KIAA0930: variants seen among roughly 807,000 people sequenced by gnomAD.
KIAA0930 encodes the protein KIAA0930, also known as uncharacterized protein KIAA0930.
Under a neutral mutation model 43.9 loss-of-function variants are expected in KIAA0930, and 24 were observed. The observed-to-expected ratio is 0.55, with a 90% CI of 0.40 to 0.77. KIAA0930 has a LOEUF of 0.77. KIAA0930 is among the 30% of genes least tolerant of loss of function. The pLI is 0.00. For missense variants in KIAA0930, 461 were observed against 574.2 expected, an observed-to-expected ratio of 0.80 and a Z score of 2.02; for synonymous variants, 259 against 216.4, an observed-to-expected ratio of 1.20 and a Z score of -1.73.
intron 1 of KIAA0930, among the ~76,000 whole-genome samples, chr22:45,219,283 C>T (rs571611543): frequency 2.6e-5 from 4 of 152,270 alleles, no homozygotes; most frequent in South Asian, 2.1e-4. Context: ...CAGTGCAACA[C>T]GCACTTAGAA....
rs907306668 is a variant in KIAA0930 at position 45,194,169 on chromosome 22, G to C, written c.*3007C>G. The stretch of plus-strand genomic sequence containing the variant: ...GGCTCACTGCAACCTCTGCCTACTA[G>C]GTTCAAGTGATTCTCCTTCCTCAGC... On this transcript the variant is annotated 3_prime_UTR_variant, in exon 10 of 10. Coordinates refer to ENST00000336156, the MANE Select transcript of KIAA0930 (RefSeq NM_001009880.2). 5.2e-5 allele frequency: 7 copies of C among 135,132 alleles called. No individual in the cohort carries two copies. The highest frequency in any genetic ancestry group is 2.6e-4 in the Admixed American group (3 of 11,412). 8.4% of individuals were successfully genotyped at this position (135,132 alleles called of 1,614,324 possible).
chr22:45,199,155 C>G (rs2083563595), intron 8 of KIAA0930, among the ~76,000 whole-genome samples: 2 of 152,156 alleles, frequency 1.3e-5, no homozygotes, highest in South Asian at 4.1e-4. Context: ...ATATGCTAAT[C>G]TGATTGTGTC....
At chr22:45,202,318 C>G (rs940758274) in intron 7 of KIAA0930, among the ~76,000 whole-genome samples, 16 of 152,272 alleles carry the variant, frequency 1.1e-4, no homozygotes, top group Admixed American at 3.3e-4. Flanking sequence ...AAAGCTGCTG[C>G]TGACCTCAGC....
intron 1 of KIAA0930, among the ~76,000 whole-genome samples, chr22:45,221,808 CACA>C (rs1011976640): frequency 1.3e-5 from 2 of 152,176 alleles, no homozygotes; most frequent in Non-Finnish European, 2.9e-5. Context: ...GATCTTGGCT[CACA>C]ACAATCTTTG....
chr22:45,213,797 G>A (rs181538647), intron 1 of KIAA0930, among the ~76,000 whole-genome samples: 43 of 152,266 alleles, frequency 2.8e-4, no homozygotes, highest in Non-Finnish European at 5.4e-4. Flanking sequence ...ATCACCTGAG[G>A]TCAGGAGTTC....
Position 45,197,063 on chromosome 22 carries a change from C to T in KIAA0930, c.*113G>A, listed in dbSNP as rs1017423106. 1.5e-5 allele frequency: 14 copies of T among 923,624 alleles called. No individual in the cohort carries two copies. Among genetic ancestry groups the T allele is most frequent in the East Asian group, 1.2e-4 (4 of 32,016 alleles). 57.2% of individuals were successfully genotyped at this position (923,624 alleles called of 1,614,324 possible). On this transcript the variant is annotated 3_prime_UTR_variant, in exon 10 of 10. Transcript: ENST00000336156. ...GGAGTCGAGTGGCCTCGCCTGGCTG[C>T]GGCTCCAGCACTGGCGTGCCATCGC...
At chr22:45,233,596 G>A (rs547635253) in intron 1 of KIAA0930, among the ~76,000 whole-genome samples, 10 of 152,128 alleles carry the variant, frequency 6.6e-5, no homozygotes, top group South Asian at 2.1e-4. Context: ...GTGCCCACCC[G>A]GGTGGCAGGA....
intron 1 of KIAA0930, among the ~76,000 whole-genome samples, chr22:45,240,084 G>C (rs1383528190): frequency 1.3e-5 from 2 of 152,004 alleles, no homozygotes; most frequent in African/African-American, 4.8e-5. Flanking sequence ...GGGCGGGTTC[G>C]GGGGGCCATT....
chr22:45,232,958 C>T (rs1445566000), intron 1 of KIAA0930, among the ~76,000 whole-genome samples: 12 of 152,260 alleles, frequency 7.9e-5, no homozygotes, highest in African/African-American at 1.7e-4. Flanking sequence ...CACCCACCCC[C>T]GCCAGGTGTC....
intron 8 of KIAA0930, 87 bp downstream of exon 8, chr22:45,199,786 A>G (rs1569071055): frequency 7.8e-7 from 1 of 1,280,436 alleles, no homozygotes; most frequent in Non-Finnish European, 1.1e-6. Context: ...GAACAAATGA[A>G]TGAATGAATA....
At chr22:45,225,311 C>G (rs1169129462) in intron 1 of KIAA0930, among the ~76,000 whole-genome samples, 2 of 152,136 alleles carry the variant, frequency 1.3e-5, no homozygotes, top group East Asian at 3.9e-4. Context: ...TCTGACGAGG[C>G]ACTTGGGGGA....
At chr22:45,204,539 G>A (rs1330380111) in intron 5 of KIAA0930, among the ~76,000 whole-genome samples, 2 of 152,182 alleles carry the variant, frequency 1.3e-5, no homozygotes, top group Non-Finnish European at 1.5e-5. Context: ...GCCTGGGGAG[G>A]GGACATGACC....
At chr22:45,236,581 G>A (rs1289491653) in intron 1 of KIAA0930, among the ~76,000 whole-genome samples, 1 of 152,064 alleles carries the variant, frequency 6.6e-6, no homozygotes, top group African/African-American at 2.4e-5. Flanking sequence ...TGGCCAGGCT[G>A]CCACACAACC....
intron 1 of KIAA0930, among the ~76,000 whole-genome samples, chr22:45,225,112 G>A (rs957496803): frequency 3.3e-5 from 5 of 152,050 alleles, no homozygotes; most frequent in African/African-American, 4.8e-5. Flanking sequence ...GAGTCCAGGC[G>A]GCCCTTGGCC....
chr22:45,212,587 C>T, intron 1 of KIAA0930: 1 of 1,373,090 alleles, frequency 7.3e-7, no homozygotes, highest in East Asian at 2.7e-5. Context: ...GGACAGCCGC[C>T]CTCCAGCCAG....
At position 45,240,725 on chromosome 22, in the gene KIAA0930, G is replaced by GA; in HGVS notation, c.-23_-22insT. On this transcript the variant is annotated 5_prime_UTR_variant, in exon 1 of 10. Transcript: ENST00000336156. Reference sequence around the variant, plus strand: ...GCATGTGCTGCAGCGAGCGCTCCTCGGCCTCGGCGCCGCCCGCAGGCTCGG... The same window carrying GA: ...GCATGTGCTGCAGCGAGCGCTCCTCGAGCCTCGGCGCCGCCCGCAGGCTCGG... 1 of 1,203,270 alleles carries GA rather than the reference G, an allele frequency of 8.3e-7. No homozygotes were observed. The highest frequency in any genetic ancestry group is 1.0e-6 in the Non-Finnish European group (1 of 967,172). The allele number at this position is 1,203,270 out of a possible 1,614,324, so 74.5% of individuals were successfully genotyped here.
chr22:45,197,772 C>A lies in KIAA0930; in HGVS notation c.1174+18G>T. ...CTGTGAGAAGGTGCGGCTGCTTCCC[C>A]ACATCCGCCAGCATTACCTGTTAAA... On this transcript the variant is annotated intron_variant, in intron 9 of 9. Transcript: ENST00000336156. 6.2e-7 allele frequency: 1 copy of A among 1,613,190 alleles called. No homozygotes were observed. The highest frequency in any genetic ancestry group is 8.5e-7 in the Non-Finnish European group (1 of 1,179,272).
At chr22:45,238,469 A>C (rs2083899559) in intron 1 of KIAA0930, among the ~76,000 whole-genome samples, 1 of 152,194 alleles carries the variant, frequency 6.6e-6, no homozygotes, top group Non-Finnish European at 1.5e-5. Context: ...TGATTGTCCC[A>C]ACAAACATGT....
intron 1 of KIAA0930, 40 bp from the exon 2 acceptor site, chr22:45,212,147 A>AC: frequency 6.2e-7 from 1 of 1,613,688 alleles, no homozygotes; most frequent in Non-Finnish European, 8.5e-7. Context: ...AAGGACGGCC[A>AC]CCCTGGCCCT....
Sources: gnomAD v4.1 joint callset for allele counts (sites outside exome capture counted in the v4.1 genomes callset) on GRCh38, gnomAD v4.1.1 for gene constraint, MANE v1.5 for transcripts, NCBI Gene and HGNC (gene_info 2026-07-23, HGNC 2026-07-21) for gene names.